DYNC2I1: variants seen among roughly 807,000 people sequenced by gnomAD.
The protein encoded by DYNC2I1 is cytoplasmic dynein 2 intermediate chain 1.
DYNC2I1 carries 89 observed loss-of-function variants against 133.4 expected under a neutral mutation model. That is an observed-to-expected ratio of 0.67 (90% CI 0.56 to 0.80). DYNC2I1 has a LOEUF of 0.80. Among genes scored for constraint, DYNC2I1 ranks in the 30% least tolerant of loss-of-function variants. The pLI, the probability that DYNC2I1 is intolerant of heterozygous loss-of-function variation, is 0.00. For missense variants in DYNC2I1, 1,291 were observed against 1,314.5 expected (o/e 0.98, Z 0.28); for synonymous variants, 504 against 484.3 (o/e 1.04, Z -0.54).
intron 7 of DYNC2I1, among the ~76,000 whole-genome samples, chr7:158,888,888 G>A (rs1844885677): frequency 6.6e-6 from 1 of 151,830 alleles, no homozygotes; most frequent in African/African-American, 2.4e-5. Context: ...CTTTAATTTT[G>A]GTGGTGGTGG....
chr7:158,920,062 AGTGT>A (rs976489385), intron 15 of DYNC2I1, among the ~76,000 whole-genome samples: 3 of 147,672 alleles, frequency 2.0e-5, no homozygotes, highest in African/African-American at 7.6e-5. Flanking sequence ...GAACACGTGA[AGTGT>A]GTGTGTGTAT....
At chr7:158,940,600 G>A (rs923066573) in intron 23 of DYNC2I1, among the ~76,000 whole-genome samples, 11 of 152,114 alleles carry the variant, frequency 7.2e-5, no homozygotes, top group Admixed American at 2.0e-4. Context: ...CAGACAAGTC[G>A]TACAAATTCA....
At chr7:158,849,852 G>A in the DYNC2I1 span, among the ~76,000 whole-genome samples, 1 of 152,236 alleles carries the variant, frequency 6.6e-6, no homozygotes, top group African/African-American at 2.4e-5. Flanking sequence ...CATCCTGATT[G>A]GTCCATGGGT....
chr7:158,936,105 C>T (rs1407545466), intron 23 of DYNC2I1, among the ~76,000 whole-genome samples: 5 of 152,118 alleles, frequency 3.3e-5, no homozygotes, highest in Non-Finnish European at 5.9e-5. Flanking sequence ...GCAAGAGAAT[C>T]GCTTTAACCC....
intron 7 of DYNC2I1, among the ~76,000 whole-genome samples, chr7:158,889,992 T>G: frequency 8.5e-6 from 1 of 118,204 alleles, no homozygotes; most frequent in Non-Finnish European, 1.6e-5. Context: ...GGCCACGGAG[T>G]GAGACTCCTT....
At chr7:158,930,599 G>A (rs550026500) in intron 21 of DYNC2I1, 84 bp downstream of exon 21, 63 of 1,132,728 alleles carry the variant, frequency 5.6e-5, no homozygotes, top group Admixed American at 2.5e-4. Context: ...ACGGTAAATG[G>A]TGAGCTTTTG....
At chr7:158,929,486 C>G (rs922827892) in intron 20 of DYNC2I1, among the ~76,000 whole-genome samples, 2 of 152,090 alleles carry the variant, frequency 1.3e-5, no homozygotes, top group Non-Finnish European at 2.9e-5. Flanking sequence ...GTGTAGGGGC[C>G]AGTGGGAGGA....
At chr7:158,943,285 TGTCCATGCCTGCGTTACAGGATAAACACA>T (rs1851555032) in intron 24 of DYNC2I1, among the ~76,000 whole-genome samples, 1 of 152,220 alleles carries the variant, frequency 6.6e-6, no homozygotes, top group South Asian at 2.1e-4. Flanking sequence ...CCAGAAAGCA[TGTCCATGCCTGCGTTACAGGATAAACACA>T]TTTACCCAGC....
In DYNC2I1 at chr7:158,902,678, C is replaced by T. The variant is rs1846367205; in HGVS notation, c.1357+83C>T. ...CCTCACAGATGCTGTCACACACAGG[C>T]CTACTCTAATAAGGTGGGTGGAGCA... On this transcript the variant is annotated intron_variant, in intron 10 of 24. Transcript: ENST00000407559. 2.4e-6 allele frequency: 3 copies of T among 1,266,724 alleles called. No homozygotes were observed. The South Asian group carries it at 4.1e-5, about 17-fold the overall frequency. 78.5% of individuals were successfully genotyped at this position (1,266,724 alleles called of 1,614,324 possible).
At chr7:158,908,909 A>C (rs1441742068) in intron 11 of DYNC2I1, among the ~76,000 whole-genome samples, 1 of 152,010 alleles carries the variant, frequency 6.6e-6, no homozygotes, top group Admixed American at 6.5e-5. Context: ...TAAAGGACAC[A>C]GAGAGAATTC....
At chr7:158,918,926 A>C in intron 15 of DYNC2I1, 57 bp downstream of exon 15, 6 of 1,557,290 alleles carry the variant, frequency 3.9e-6, no homozygotes, top group Non-Finnish European at 5.3e-6. Context: ...TTCATGTTGA[A>C]ATAATACTCT....
At chr7:158,918,374 G>C (rs1461103793) in intron 14 of DYNC2I1, among the ~76,000 whole-genome samples, 6 of 152,060 alleles carry the variant, frequency 3.9e-5, no homozygotes, top group African/African-American at 9.7e-5. Context: ...ACTCACTCTG[G>C]CTTTTTACCA....
intron 4 of DYNC2I1, among the ~76,000 whole-genome samples, chr7:158,954,071 G>GAGTA (rs1309441613): frequency 6.6e-6 from 1 of 152,064 alleles, no homozygotes; most frequent in African/African-American, 2.4e-5. Context: ...TCGAGATAGT[G>GAGTA]AGTAAGTCTC....
intron 1 of DYNC2I1, among the ~76,000 whole-genome samples, chr7:158,858,143 G>T (rs1841489868): frequency 6.6e-6 from 1 of 152,134 alleles, no homozygotes; most frequent in African/African-American, 2.4e-5. Context: ...AGAAGCTACT[G>T]CCCTGCACTC....
At chr7:158,871,660 G>GCTTCCCTC (rs1379612178) in intron 3 of DYNC2I1, 98 bp downstream of exon 3, 19 of 1,306,926 alleles carry the variant, frequency 1.5e-5, no homozygotes, top group Non-Finnish European at 1.7e-5. Context: ...TCTCTCCCCC[G>GCTTCCCTC]CTTCCCTCCT....
At chr7:158,896,032 C>T (rs577678049) in intron 8 of DYNC2I1, among the ~76,000 whole-genome samples, 1 of 152,030 alleles carries the variant, frequency 6.6e-6, no homozygotes, top group East Asian at 1.9e-4. Flanking sequence ...TTGTTCAATT[C>T]TTTCATATTT....
chr7:158,947,207 C>T (rs920235900), downstream of DYNC2I1, among the ~76,000 whole-genome samples: 7 of 152,280 alleles, frequency 4.6e-5, 1 homozygote, highest in Admixed American at 6.5e-5. Flanking sequence ...AGTGGACAGG[C>T]ACGCGGCCTC....
the DYNC2I1 span, among the ~76,000 whole-genome samples, chr7:158,839,462 A>C: frequency 6.6e-6 from 1 of 152,040 alleles, no homozygotes; most frequent in Non-Finnish European, 1.5e-5. Flanking sequence ...ACTCCGTAAC[A>C]CCTGACTGCA....
In DYNC2I1 at chr7:158,921,751, C is replaced by T. The variant is rs112366906; in HGVS notation, c.1922-626C>T. Among the ~76,000 whole-genome samples the T allele has an allele frequency of 7.1e-3, 1,082 of 152,246 alleles. 10 individuals are homozygous for T. Among genetic ancestry groups the T allele is most frequent in the African/African-American group, 0.025 (1,028 of 41,534 alleles). On this transcript the variant is annotated intron_variant, in intron 15 of 24. Transcript: ENST00000407559. ...GGTGCTGCTTTCCACATTGACTTGG[C>T]GCCTGCCAGCGGTGCGGTCCAGTTC...
Sources: gnomAD v4.1 joint callset for allele counts (sites outside exome capture counted in the v4.1 genomes callset) on GRCh38, gnomAD v4.1.1 for gene constraint, MANE v1.5 for transcripts, NCBI Gene and HGNC (gene_info 2026-07-23, HGNC 2026-07-21) for gene names.